The following CRLF2 variants were observed in gnomAD, a reference collection of about 807,000 sequenced individuals.
CRLF2 encodes the protein cytokine receptor like factor 2, also known as cytokine receptor-like factor 2.
CRLF2 carries 41 observed loss-of-function variants against 38.7 expected under a neutral mutation model. The observed-to-expected ratio is 1.06, with a 90% CI of 0.83 to 1.37. The LOEUF is 1.37. Ranked by LOEUF, CRLF2 falls within the 40% of genes most tolerant of loss-of-function variation. The pLI, the probability that CRLF2 is intolerant of heterozygous loss-of-function variation, is 0.00. For missense variants in CRLF2, 377 were observed against 322.2 expected, an observed-to-expected ratio of 1.17 and a Z score of -1.30; for synonymous variants, 140 against 128.8, an observed-to-expected ratio of 1.09 and a Z score of -0.59.
chrX:1,206,078 G>A (rs1346849527), intron 3 of CRLF2, among the ~76,000 whole-genome samples: 9 of 151,910 alleles, frequency 5.9e-5, no homozygotes, highest in Non-Finnish European at 1.2e-4. Flanking sequence ...GCTGAAGGAA[G>A]TAGTGAAAAG....
intron 3 of CRLF2, 78 bp from the exon 4 acceptor site, chrX:1,202,613 T>G: frequency 6.5e-7 from 1 of 1,542,116 alleles, no homozygotes; most frequent in Non-Finnish European, 8.9e-7. Flanking sequence ...CCCCTTTCTC[T>G]AGCCTGTACC....
At position 1,198,611 on chromosome X, in the gene CRLF2, G is replaced by T; in HGVS notation, c.597C>A (p.Tyr199Ter). ...AMEDVYGPDT[Y>*]PSDWSEVTCW... is the part of the protein sequence containing the mutation. ...ATGTCACCTCTGACCAGTCGCTTGGGTATGTGTCTGGCCCATATACATCCT... is the reference window on the plus strand; with the variant it reads ...ATGTCACCTCTGACCAGTCGCTTGGTTATGTGTCTGGCCCATATACATCCT... The change falls in exon 5 of 8, where the codon TAC becomes TAA. Residue 199 changes from tyrosine (Y) to a stop codon, truncating the protein, a stop_gained. Coordinates refer to ENST00000400841, the MANE Select transcript of CRLF2 (RefSeq NM_022148.4). LOFTEE classifies it high-confidence loss of function. 2 of 1,613,674 alleles carry T rather than the reference G, an allele frequency of 1.2e-6. No individual in the cohort carries two copies. Among genetic ancestry groups the T allele is most frequent in the Non-Finnish European group, 1.7e-6 (2 of 1,179,690 alleles).
In CRLF2 at chrX:1,198,829, G is replaced by A. The variant is rs2086549692; in HGVS notation, c.484-105C>T. ...TCTGTCCAGAGTTTTCCTTCCGGAG[G>A]GTTCACAGTCTCGCTGACTTCAAGA... On this transcript the variant is annotated intron_variant, in intron 4 of 7. Coordinates refer to ENST00000400841, the MANE Select transcript of CRLF2 (RefSeq NM_022148.4). 7.8e-6 allele frequency: 9 copies of A among 1,150,734 alleles called. 1 individual carries two copies. The East Asian group carries it at 1.0e-4, about 13-fold the overall frequency. The allele number at this position is 1,150,734 out of a possible 1,614,324, so 71.3% of individuals were successfully genotyped here.
At chrX:1,198,171 TCCCTCCCACCTCCCAG>T (rs2086527014) in intron 5 of CRLF2, among the ~76,000 whole-genome samples, 14 of 116,962 alleles carry the variant, frequency 1.2e-4, no homozygotes, top group East Asian at 2.9e-4. Context: ...CAGGACACCC[TCCCTCCCACCTCCCAG>T]GAAGGCAGGA....
At chrX:1,198,769 A>T (rs1452676891) in intron 4 of CRLF2, 45 bp from the exon 5 acceptor site, 7 of 1,403,232 alleles carry the variant, frequency 5.0e-6, no homozygotes, top group Non-Finnish European at 6.9e-6. Flanking sequence ...ACACACACAC[A>T]CACACACACA....
intron 3 of CRLF2, 105 bp from the exon 4 acceptor site, chrX:1,202,640 C>T (rs1490263912): frequency 2.4e-6 from 3 of 1,233,028 alleles, no homozygotes; most frequent in Non-Finnish European, 3.4e-6. Flanking sequence ...CCCCTTAATA[C>T]CTTATGGTGT....
At chrX:1,198,518 C>A in intron 5 of CRLF2, 44 bp downstream of exon 5, 1 of 1,610,086 alleles carries the variant, frequency 6.2e-7, no homozygotes, top group Non-Finnish European at 8.5e-7. Context: ...CCTACTCCAG[C>A]CTGGTGACAA....
chrX:1,209,300 TGTAG>T (rs2086750159), intron 1 of CRLF2, among the ~76,000 whole-genome samples: 5 of 64,312 alleles, frequency 7.8e-5, no homozygotes, highest in African/African-American at 3.0e-4. Flanking sequence ...TGTATTGTAG[TGTAG>T]TGTAGTGTAG....
chrX:1,200,572 T>TGA (rs2086586033), intron 4 of CRLF2, among the ~76,000 whole-genome samples: 1 of 107,980 alleles, frequency 9.3e-6, no homozygotes, highest in Admixed American at 1.0e-4. Flanking sequence ...GTATATAAGC[T>TGA]GTGTGTGTGT....
At chrX:1,212,531 A>C (rs774400452) in intron 1 of CRLF2, 25 bp downstream of exon 1, 1 of 1,582,960 alleles carries the variant, frequency 6.3e-7, no homozygotes, top group African/African-American at 1.3e-5. Context: ...AAAATACAAC[A>C]AGAAGAGGGT....
intron 5 of CRLF2, among the ~76,000 whole-genome samples, chrX:1,197,195 C>T (rs1209401784): frequency 2.7e-5 from 4 of 149,688 alleles, no homozygotes; most frequent in African/African-American, 4.9e-5. Context: ...CGGACTCAAG[C>T]GATTCTCCTG....
chrX:1,207,151 G>C (rs2086705648), intron 2 of CRLF2, among the ~76,000 whole-genome samples: 1 of 151,872 alleles, frequency 6.6e-6, no homozygotes, highest in South Asian at 2.1e-4. Context: ...TCGCCATGTT[G>C]ACCAGGCTGG....
At chrX:1,197,687 G>C (rs1408089803) in intron 5 of CRLF2, among the ~76,000 whole-genome samples, 1 of 151,930 alleles carries the variant, frequency 6.6e-6, no homozygotes, top group East Asian at 1.9e-4. Flanking sequence ...GGTGGTGCGT[G>C]CCTGTAGTCC....
chrX:1,192,684 T>C (rs2086406811), intron 7 of CRLF2, among the ~76,000 whole-genome samples: 1 of 151,336 alleles, frequency 6.6e-6, no homozygotes, highest in East Asian at 1.9e-4. Context: ...TCTTTCTTTT[T>C]CTCTTTCTTT....
intron 2 of CRLF2, 97 bp downstream of exon 2, chrX:1,208,709 T>G: frequency 2.5e-6 from 2 of 800,942 alleles, no homozygotes; most frequent in African/African-American, 1.7e-5. Context: ...GTCTGATGCT[T>G]TACACTTTTG....
chrX:1,196,461 C>A (rs773676159), intron 6 of CRLF2, among the ~76,000 whole-genome samples: 1 of 152,004 alleles, frequency 6.6e-6, no homozygotes, highest in African/African-American at 2.4e-5. Flanking sequence ...ACTGGGATTA[C>A]AGGCGTGAAC....
intron 4 of CRLF2, 31 bp downstream of exon 4, chrX:1,202,371 C>T: frequency 1.2e-6 from 2 of 1,612,766 alleles, no homozygotes; most frequent in Admixed American, 3.3e-5. Flanking sequence ...GCTCAGCCAC[C>T]ATCGCCCTGA....
At chrX:1,198,454 C>A in intron 5 of CRLF2, 108 bp downstream of exon 5, 2 of 978,016 alleles carry the variant, frequency 2.0e-6, no homozygotes, top group Non-Finnish European at 3.2e-6. Flanking sequence ...CCCTCCCTCC[C>A]ACCTCGAAGG....
rs1306578128 is a variant in CRLF2, at chrX:1,190,542, C to A, written c.*355G>T. ...AGAATCCAATGCTATGGGAATGGTACATGGACGGAACTGGGGACTCACAGA... is the reference window on the plus strand; with the variant it reads ...AGAATCCAATGCTATGGGAATGGTAAATGGACGGAACTGGGGACTCACAGA... On this transcript the variant is annotated 3_prime_UTR_variant, in exon 8 of 8. Transcript: ENST00000400841. 8.2e-5 allele frequency: 24 copies of A among 291,166 alleles called. No homozygotes were observed. Among genetic ancestry groups the A allele is most frequent in the African/African-American group, 5.1e-4 (24 of 47,024 alleles). The allele number at this position is 291,166 out of a possible 1,614,324, so 18.0% of individuals were successfully genotyped here.
Sources: allele counts gnomAD v4.1 joint callset (sites outside exome capture counted in the v4.1 genomes callset), GRCh38; gene constraint gnomAD v4.1.1; transcripts MANE v1.5; gene names NCBI Gene and HGNC (gene_info 2026-07-23, HGNC 2026-07-21).